The following TENM3 variants were observed in gnomAD, a reference collection of about 807,000 sequenced individuals.
The protein encoded by TENM3 is teneurin transmembrane protein 3, also known as teneurin-3.
Under a neutral mutation model 255.1 loss-of-function variants are expected in TENM3, and 63 were observed. That is an observed-to-expected ratio of 0.25 (90% CI 0.20 to 0.30). TENM3 has a LOEUF of 0.30. TENM3 is among the 10% of genes least tolerant of loss of function. The probability of loss-of-function intolerance (pLI) is 1.00; values close to 1 mark genes in which losing one functional copy is unlikely to be tolerated. For missense variants in TENM3, 2,929 were observed against 3,461.1 expected (o/e 0.85, Z 3.86); for synonymous variants, 1,306 against 1,322.3 (o/e 0.99, Z 0.27).
the TENM3 span, among the ~76,000 whole-genome samples, chr4:182,030,100 G>T: frequency 7.2e-6 from 1 of 138,324 alleles, no homozygotes; most frequent in Non-Finnish European, 1.5e-5. Context: ...CAATTTACAA[G>T]ATACATGTGC....
At chr4:181,640,837 A>G in the TENM3 span, among the ~76,000 whole-genome samples, 2 of 152,228 alleles carry the variant, frequency 1.3e-5, no homozygotes, top group African/African-American at 4.8e-5. Flanking sequence ...TTGGTTGGGC[A>G]ACCCTTTCCT....
chr4:182,653,854 A>G lies in TENM3; in HGVS notation c.1072A>G (p.Met358Val), dbSNP rs1290216926. 1.2e-6 allele frequency: 2 copies of G among 1,613,360 alleles called. No individual in the cohort carries two copies. The highest frequency in any genetic ancestry group is 2.2e-5 in the South Asian group (2 of 90,984). ...FENGKVNSDT[M>V]PTNTVSLPSG... ...GAATGGAAAAGTGAATTCTGATACC[A>G]TGCCAACAAACACTGTGTCATTACC... Residue 358 changes from methionine to valine, a missense_variant, in exon 6 of 28, where the codon ATG (methionine) becomes GTG (valine). Physicochemically the swap from Met to Val is conservative, Grantham distance 21. Coordinates refer to ENST00000511685, the MANE Select transcript of TENM3 (RefSeq NM_001080477.4).
rs58332965 is a variant in TENM3 at position 182,603,784 on chromosome 4, T to TATATATATATATATATATATATACACAC, written c.749+2624_749+2625insTATATATATATATATATATATACACACA. 3.0e-5 allele frequency among the ~76,000 whole-genome samples: 4 copies of TATATATATATATATATATATATACACAC among 134,206 alleles called. No individual in the cohort carries two copies. In the East Asian group the frequency reaches 7.0e-4, roughly 23 times the overall value. 88.0% of individuals were successfully genotyped at this position (134,206 alleles called of 152,430 possible). On this transcript the variant is annotated intron_variant, in intron 4 of 27. Transcript: ENST00000511685. The stretch of plus-strand genomic sequence containing the variant: ...AATTATTTATATATATATATATATA[T>TATATATATATATATATATATATACACAC]ACACACACACACCGATTTTGCTAAT...
At chr4:182,571,387 A>G (rs1477276470) in intron 3 of TENM3, among the ~76,000 whole-genome samples, 6 of 152,172 alleles carry the variant, frequency 3.9e-5, no homozygotes, top group Non-Finnish European at 7.3e-5. Flanking sequence ...TTAGCTGGGC[A>G]TGGTGACATG....
intron 3 of TENM3, among the ~76,000 whole-genome samples, chr4:182,428,366 G>A (rs904347564): frequency 6.6e-6 from 1 of 152,062 alleles, no homozygotes; most frequent in African/African-American, 2.4e-5. Context: ...GATGCCATAG[G>A]TACCTCACTG....
intron 1 of TENM3, among the ~76,000 whole-genome samples, chr4:182,288,286 T>G (rs1760880510): frequency 6.6e-6 from 1 of 151,444 alleles, no homozygotes; most frequent in Admixed American, 6.6e-5. Flanking sequence ...GTCACATTGG[T>G]CTCCAACTCC....
the TENM3 span, among the ~76,000 whole-genome samples, chr4:181,514,593 A>G: frequency 6.6e-6 from 1 of 152,200 alleles, no homozygotes; most frequent in Admixed American, 6.5e-5. Flanking sequence ...TTTTGAAGCA[A>G]TGAGCCTTGT....
At chr4:182,755,821 G>A (rs545511290) in intron 22 of TENM3, among the ~76,000 whole-genome samples, 5 of 152,034 alleles carry the variant, frequency 3.3e-5, no homozygotes, top group African/African-American at 4.8e-5. Context: ...GTCTCTGGGC[G>A]ACAGAGCGAG....
intron 1 of TENM3, among the ~76,000 whole-genome samples, chr4:182,252,411 T>G (rs2150122031): frequency 6.6e-6 from 1 of 152,292 alleles, no homozygotes; most frequent in Non-Finnish European, 1.5e-5. Context: ...GGAAAAAAAT[T>G]TAAATAACGA....
chr4:181,667,819 C>T, the TENM3 span, among the ~76,000 whole-genome samples: 1 of 152,080 alleles, frequency 6.6e-6, no homozygotes, highest in Non-Finnish European at 1.5e-5. Flanking sequence ...TCTGGAAATC[C>T]TGAAGGTGGC....
rs35538818 is a variant in TENM3 at position 182,701,210 on chromosome 4, CTTTTTTTTTT to C, written c.2222-12858_2222-12849del. Among the ~76,000 whole-genome samples, 80 of 38,668 alleles carry C rather than the reference CTTTTTTTTTT, an allele frequency of 2.1e-3. 2 individuals carry two copies. Among genetic ancestry groups the C allele is most frequent in the African/African-American group, 8.2e-3 (69 of 8,368 alleles). The allele number at this position is 38,668 out of a possible 152,430, so 25.4% of individuals were successfully genotyped here. A position where few individuals can be genotyped will look rare whatever the true frequency, so the allele number is the denominator to read the frequency against. The stretch of plus-strand genomic sequence containing the variant: ...TTTTCACATACAGTCCAACTCTTGA[CTTTTTTTTTT>C]TTTTTTTTTTTTTTTTTTGAGACAG... On this transcript the variant is annotated intron_variant, in intron 12 of 27. Coordinates refer to ENST00000511685, the MANE Select transcript of TENM3 (RefSeq NM_001080477.4).
At chr4:181,772,784 T>G in the TENM3 span, among the ~76,000 whole-genome samples, 1 of 152,200 alleles carries the variant, frequency 6.6e-6, no homozygotes, top group Admixed American at 6.5e-5. Context: ...TTTTTCAAGA[T>G]GGGCATATTT....
At chr4:181,897,001 A>T in the TENM3 span, among the ~76,000 whole-genome samples, 2 of 152,168 alleles carry the variant, frequency 1.3e-5, no homozygotes, top group African/African-American at 4.8e-5. Flanking sequence ...CACCTTGTGC[A>T]GCCTTTGTTG....
At chr4:182,407,206 A>G (rs985302431) in intron 3 of TENM3, among the ~76,000 whole-genome samples, 1 of 152,206 alleles carries the variant, frequency 6.6e-6, no homozygotes, top group Non-Finnish European at 1.5e-5. Context: ...CTCTTCACAT[A>G]AAATAAAATC....
intron 1 of TENM3, among the ~76,000 whole-genome samples, chr4:182,279,694 C>T (rs1366295265): frequency 6.6e-6 from 1 of 152,172 alleles, no homozygotes; most frequent in African/African-American, 2.4e-5. Flanking sequence ...AGATTCTTCT[C>T]TTGTTCTGTC....
intron 1 of TENM3, among the ~76,000 whole-genome samples, chr4:182,322,769 C>G (rs1034559314): frequency 6.6e-6 from 1 of 152,130 alleles, no homozygotes; most frequent in Non-Finnish European, 1.5e-5. Context: ...GACACTGATT[C>G]TTTGAGAGAG....
chr4:181,921,078 C>G, the TENM3 span, among the ~76,000 whole-genome samples: 8,912 of 152,016 alleles, frequency 0.059, 756 homozygotes, highest in African/African-American at 0.19. Context: ...GCTCTGTTCT[C>G]TTCCATTCAT....
chr4:181,945,098 T>C, the TENM3 span, among the ~76,000 whole-genome samples: 1 of 136,632 alleles, frequency 7.3e-6, no homozygotes, highest in African/African-American at 2.9e-5. Context: ...TCACTTCCGG[T>C]TTGGGGAGGG....
At chr4:182,294,026 C>A (rs1414662011) in intron 1 of TENM3, among the ~76,000 whole-genome samples, 1 of 152,096 alleles carries the variant, frequency 6.6e-6, no homozygotes, top group Non-Finnish European at 1.5e-5. Flanking sequence ...TAGGCCATCA[C>A]AGGCCCGGGT....
Sources: gnomAD v4.1 joint callset for allele counts (sites outside exome capture counted in the v4.1 genomes callset) on GRCh38, gnomAD v4.1.1 for gene constraint, MANE v1.5 for transcripts, NCBI Gene and HGNC (gene_info 2026-07-23, HGNC 2026-07-21) for gene names.